BLM: variants seen among roughly 807,000 people sequenced by gnomAD.
The protein encoded by BLM is recQ-like DNA helicase BLM.
In BLM, 95 loss-of-function variants were observed where a neutral mutation model predicts 135.3. The observed-to-expected ratio is 0.70, with a 90% confidence interval of 0.59 to 0.83. The LOEUF (loss-of-function observed/expected upper bound fraction) is 0.83. Ranked by LOEUF, BLM falls within the 40% of genes least tolerant of loss-of-function variation. The pLI is 0.00. For synonymous variants in BLM, 520 were observed against 589.2 expected (o/e 0.88, Z 1.70); for missense variants, 1,518 against 1,663.9 (o/e 0.91, Z 1.53).
chr15:90,741,600 A>G (rs545632610), intron 1 of BLM, among the ~76,000 whole-genome samples: 2 of 152,226 alleles, frequency 1.3e-5, no homozygotes, highest in African/African-American at 2.4e-5. Context: ...GTGTGCATCT[A>G]TTAAGTCAAA....
At chr15:90,751,177 T>C (rs1035391551) in intron 3 of BLM, among the ~76,000 whole-genome samples, 1 of 152,220 alleles carries the variant, frequency 6.6e-6, no homozygotes, top group East Asian at 1.9e-4. Context: ...TATGAAGCAG[T>C]TGCAAATATG....
chr15:90,766,902 A>G lies in BLM; in HGVS notation c.2194-8A>G, dbSNP rs1896143206. On this transcript the variant is annotated splice_region_variant and splice_polypyrimidine_tract_variant and intron_variant, in intron 9 of 21. Transcript: ENST00000355112. ...AAAATTGAAATTGTTTACTACTTTT[A>G]TACTTAGATTCCAGCTACATATCTG... The G allele has an allele frequency of 3.9e-6, 6 of 1,531,366 alleles. No individual in the cohort carries two copies. Among genetic ancestry groups the G allele is most frequent in the African/African-American group, 1.4e-5 (1 of 73,216 alleles). The allele number at this position is 1,531,366 out of a possible 1,614,324, so 94.9% of individuals were successfully genotyped here.
chr15:90,729,891 G>C (rs1273478333), intron 1 of BLM, among the ~76,000 whole-genome samples: 1 of 152,112 alleles, frequency 6.6e-6, no homozygotes, highest in Non-Finnish European at 1.5e-5. Flanking sequence ...TATCGCCCAG[G>C]CTGGAGTGCA....
At chr15:90,786,589 T>C (rs80146586) in intron 14 of BLM, among the ~76,000 whole-genome samples, 2,318 of 152,278 alleles carry the variant, frequency 0.015, 24 homozygotes, top group Non-Finnish European at 0.021. Flanking sequence ...GGTATCTCTT[T>C]GTGGGTTTTT....
chr15:90,788,671 G>A (rs914144110), intron 14 of BLM, among the ~76,000 whole-genome samples: 6 of 151,860 alleles, frequency 4.0e-5, no homozygotes, highest in African/African-American at 1.5e-4. Context: ...TACATGATAA[G>A]GAAAAAGTTT....
chr15:90,768,400 A>G (rs1367179778), intron 10 of BLM, among the ~76,000 whole-genome samples: 9 of 152,212 alleles, frequency 5.9e-5, no homozygotes, highest in Non-Finnish European at 1.3e-4. Context: ...GTCCCGGTCA[A>G]GATGTGAGTG....
chr15:90,803,621 G>A lies in BLM; in HGVS notation c.3459G>A (p.Lys1153=), dbSNP rs776065910. The part of the protein sequence containing the change: ...ERLFKKLILD[K]ILDEDLYINA... ...TTTTTAAAAAGCTGATACTTGACAA[G>A]ATTTTGGATGAAGACTTATATATCA... The change falls in exon 18 of 22, where the codon AAG becomes AAA. Residue 1153 remains lysine, a synonymous_variant. Coordinates refer to ENST00000355112, the MANE Select transcript of BLM (RefSeq NM_000057.4). The A allele has an allele frequency of 6.2e-7, 1 of 1,614,020 alleles. No homozygotes were observed. The highest frequency in any genetic ancestry group is 2.2e-5 in the East Asian group (1 of 44,884).
intron 17 of BLM, among the ~76,000 whole-genome samples, chr15:90,802,306 A>C (rs551498596): frequency 1.8e-4 from 27 of 152,378 alleles, no homozygotes; most frequent in African/African-American, 6.3e-4. Flanking sequence ...AATAACCATT[A>C]ATTCTGATTT....
At chr15:90,787,949 C>CAA (rs11355198) in intron 14 of BLM, among the ~76,000 whole-genome samples, 1 of 136,258 alleles carries the variant, frequency 7.3e-6, no homozygotes, top group African/African-American at 2.6e-5. Flanking sequence ...GACTCTATGT[C>CAA]AAAAAAAAAA....
At chr15:90,800,583 G>A (rs1488029774) in intron 17 of BLM, among the ~76,000 whole-genome samples, 1 of 152,178 alleles carries the variant, frequency 6.6e-6, no homozygotes, top group Non-Finnish European at 1.5e-5. Context: ...GGGAGGCTGA[G>A]GCAGGAGAAT....
At chr15:90,792,153 T>C (rs973354297) in intron 15 of BLM, among the ~76,000 whole-genome samples, 2 of 150,616 alleles carry the variant, frequency 1.3e-5, no homozygotes, top group African/African-American at 4.9e-5. Context: ...GTGCAAAGGC[T>C]GGAATGCAAT....
At chr15:90,744,504 CT>C (rs762862327) in intron 1 of BLM, among the ~76,000 whole-genome samples, 8 of 152,130 alleles carry the variant, frequency 5.3e-5, no homozygotes, top group Non-Finnish European at 7.4e-5. Flanking sequence ...TCCCAAGTAA[CT>C]GGGATTACAG....
At chr15:90,793,995 A>G (rs1308858087) in intron 15 of BLM, 172 bp from the exon 16 acceptor site, 3 of 435,672 alleles carry the variant, frequency 6.9e-6, no homozygotes, top group Non-Finnish European at 1.2e-5. Context: ...AATCTTGAGG[A>G]TGAACATTAA....
At chr15:90,759,786 T>C (rs914297432) in intron 5 of BLM, among the ~76,000 whole-genome samples, 1 of 151,932 alleles carries the variant, frequency 6.6e-6, no homozygotes, top group African/African-American at 2.4e-5. Flanking sequence ...TTTATATTAT[T>C]AGTAAAGACG....
intron 1 of BLM, among the ~76,000 whole-genome samples, chr15:90,725,579 C>T (rs1156895344): frequency 3.3e-5 from 5 of 151,268 alleles, no homozygotes; most frequent in Non-Finnish European, 5.9e-5. Flanking sequence ...CTGCAAGCTC[C>T]GCCTCCCGGG....
chr15:90,809,523 C>G (rs1294916276), intron 20 of BLM, among the ~76,000 whole-genome samples: 11 of 152,126 alleles, frequency 7.2e-5, no homozygotes, highest in Admixed American at 3.3e-4. Context: ...TGCAAGTGCT[C>G]AAGGGATCAG....
chr15:90,795,367 C>T (rs910778917), intron 16 of BLM, among the ~76,000 whole-genome samples: 15 of 152,154 alleles, frequency 9.9e-5, no homozygotes, highest in Non-Finnish European at 1.6e-4. Flanking sequence ...GTAATCCCAG[C>T]TACTTGGGAA....
intron 12 of BLM, among the ~76,000 whole-genome samples, chr15:90,782,081 A>G (rs1480544337): frequency 6.6e-6 from 1 of 152,100 alleles, no homozygotes. Context: ...GCTAGCGACA[A>G]TATTCAACTT....
chr15:90,766,961 A>G lies in BLM; in HGVS notation c.2245A>G (p.Ile749Val), dbSNP rs1200806527. 1 of 1,606,632 alleles carries G rather than the reference A, an allele frequency of 6.2e-7. No individual in the cohort carries two copies. The highest frequency in any genetic ancestry group is 8.5e-7 in the Non-Finnish European group (1 of 1,174,096). Reference sequence around the variant, plus strand: ...TAAGACTGACTCAGAAGCTACAAATATTTACCTCCAGTTATCAAAAAAAGA... The same window carrying G: ...TAAGACTGACTCAGAAGCTACAAATGTTTACCTCCAGTTATCAAAAAAAGA... ...GDKTDSEATN[I>V]YLQLSKKDPI... Residue 749 changes from isoleucine to valine, a missense_variant, in exon 10 of 22, where the codon ATT becomes GTT. Coordinates refer to ENST00000355112, the MANE Select transcript of BLM (RefSeq NM_000057.4).
Sources: gnomAD v4.1 joint callset for allele counts (sites outside exome capture counted in the v4.1 genomes callset) on GRCh38, gnomAD v4.1.1 for gene constraint, MANE v1.5 for transcripts, NCBI Gene and HGNC (gene_info 2026-07-23, HGNC 2026-07-21) for gene names.